Variants in NARF observed in about 807,000 individuals in gnomAD.
NARF encodes nuclear prelamin A recognition factor.
Under a neutral mutation model 48.0 loss-of-function variants are expected in NARF, and 41 were observed. The ratio of observed to expected loss-of-function variants is 0.85; its 90% CI spans 0.66 to 1.11. The LOEUF (loss-of-function observed/expected upper bound fraction) is 1.11, where lower values mean the gene tolerates loss of function less well. NARF is among the 50% of genes least tolerant of loss of function. The pLI is 0.00. For synonymous variants in NARF, 215 were observed against 225.5 expected (o/e 0.95, Z 0.42); for missense variants, 613 against 590.2 (o/e 1.04, Z -0.40).
chr17:82,474,581 G>T (rs1022807526), intron 5 of NARF, among the ~76,000 whole-genome samples: 4 of 152,184 alleles, frequency 2.6e-5, no homozygotes, highest in Admixed American at 6.6e-5. Flanking sequence ...ATAATTTTTA[G>T]GGTTTGGTTC....
intron 3 of NARF, among the ~76,000 whole-genome samples, chr17:82,468,130 C>G (rs928257148): frequency 6.6e-6 from 1 of 151,836 alleles, no homozygotes; most frequent in Non-Finnish European, 1.5e-5. Flanking sequence ...CCCAATATGG[C>G]AAAACCCCGT....
chr17:82,474,723 C>T (rs755431199), intron 5 of NARF, among the ~76,000 whole-genome samples: 2 of 152,160 alleles, frequency 1.3e-5, no homozygotes, highest in Non-Finnish European at 2.9e-5. Context: ...GCTTAGAATA[C>T]GGACTTACTC....
chr17:82,473,315 G>A (rs550587319), intron 5 of NARF, among the ~76,000 whole-genome samples: 135 of 141,136 alleles, frequency 9.6e-4, no homozygotes, highest in Non-Finnish European at 1.7e-3. Flanking sequence ...TTTTTTTGGA[G>A]ACGGAATCTC....
intron 7 of NARF, among the ~76,000 whole-genome samples, chr17:82,481,462 G>GCCCA: frequency 6.6e-6 from 1 of 152,282 alleles, no homozygotes; most frequent in South Asian, 2.1e-4. Context: ...TGGGCACAGT[G>GCCCA]GCTCACGCCT....
intron 8 of NARF, 124 bp from the exon 9 acceptor site, chr17:82,484,689 G>T (rs73999955): frequency 8.0e-7 from 1 of 1,255,744 alleles, no homozygotes; most frequent in South Asian, 1.5e-5. Flanking sequence ...TTAAACATCT[G>T]TACAGGATTT....
chr17:82,460,915 A>ATTTTTTTTTTTT (rs137987200), intron 2 of NARF: 1 of 149,626 alleles, frequency 6.7e-6, no homozygotes, highest in African/African-American at 2.5e-5. Flanking sequence ...TCTTCTTTTA[A>ATTTTTTTTTTTT]TTTTTTTTTT....
chr17:82,465,569 A>G (rs1246570649), intron 3 of NARF, among the ~76,000 whole-genome samples: 1 of 152,098 alleles, frequency 6.6e-6, no homozygotes, highest in African/African-American at 2.4e-5. Flanking sequence ...TCCAGCAGCA[A>G]TTAGATCACA....
At chr17:82,470,962 G>A (rs1358123657) in intron 4 of NARF, among the ~76,000 whole-genome samples, 1 of 150,800 alleles carries the variant, frequency 6.6e-6, no homozygotes, top group Non-Finnish European at 1.5e-5. Context: ...AGGAGTTTGA[G>A]ACCAGCCTGG....
At position 82,487,961 on chromosome 17, in the gene NARF, C is replaced by T. The variant is rs779170650; in HGVS notation, c.1175C>T (p.Ala392Val). 27 of 1,614,098 alleles carry T rather than the reference C, an allele frequency of 1.7e-5. No homozygotes were observed. Among genetic ancestry groups the T allele is most frequent in the Admixed American group, 1.3e-4 (8 of 60,004 alleles). The change falls in exon 11 of 11, where the codon GCG becomes GTG. Residue 392 changes from alanine (A) to valine (V), a missense_variant. Physicochemically the swap from Ala to Val is moderately conservative, Grantham distance 64. Coordinates refer to ENST00000309794, the MANE Select transcript of NARF (RefSeq NM_012336.4). ...CAAGCCCAGACTCCAGACGGACATGCGGATAAGGCCCTGCTGCGGCAGATG... is the reference window on the plus strand; with the variant it reads ...CAAGCCCAGACTCCAGACGGACATGTGGATAAGGCCCTGCTGCGGCAGATG... ...RGQAQTPDGH[A>V]DKALLRQMEG...
intron 7 of NARF, chr17:82,482,277 A>G: frequency 2.3e-6 from 1 of 428,736 alleles, no homozygotes; most frequent in Non-Finnish European, 4.6e-6. Context: ...CGCCTCTGGA[A>G]AGGTCCCCAC....
intron 5 of NARF, 134 bp from the exon 6 acceptor site, chr17:82,478,666 T>G (rs1244035846): frequency 4.3e-6 from 4 of 927,512 alleles, no homozygotes; most frequent in Non-Finnish European, 6.9e-6. Context: ...CACGAGCTCC[T>G]GGTAAGGCCT....
intron 3 of NARF, among the ~76,000 whole-genome samples, chr17:82,467,962 T>C (rs2043609530): frequency 6.6e-6 from 1 of 152,260 alleles, no homozygotes; most frequent in African/African-American, 2.4e-5. Flanking sequence ...TTTACTGATA[T>C]AACATTGTTC....
upstream of NARF, chr17:82,458,699 T>A: frequency 7.2e-7 from 1 of 1,379,702 alleles, no homozygotes; most frequent in South Asian, 1.6e-5. Flanking sequence ...TGAGGCCGCG[T>A]CGGGGGAGGA....
At position 82,489,147 on chromosome 17, in the gene NARF, C is replaced by T. The variant is rs2044156476; in HGVS notation, c.*990C>T. On this transcript the variant is annotated 3_prime_UTR_variant, in exon 11 of 11. Transcript: ENST00000309794. The stretch of plus-strand genomic sequence containing the variant: ...ATTCCTCACAGCCAGTCACCACCCT[C>T]CTCCCATTCCTCACAGCCAGTCACC... The T allele has an allele frequency of 6.4e-6, 1 of 155,732 alleles. No individual in the cohort carries two copies. The highest frequency in any genetic ancestry group is 1.4e-5 in the Non-Finnish European group (1 of 69,920). The allele number at this position is 155,732 out of a possible 1,614,324, so 9.6% of individuals were successfully genotyped here.
intron 3 of NARF, among the ~76,000 whole-genome samples, chr17:82,466,513 C>T (rs1371031400): frequency 6.6e-6 from 1 of 152,004 alleles, no homozygotes; most frequent in Non-Finnish European, 1.5e-5. Context: ...GGTGCAGTGT[C>T]GTGATCTCAG....
At chr17:82,479,596 T>C (rs552472217) in intron 6 of NARF, among the ~76,000 whole-genome samples, 4 of 152,314 alleles carry the variant, frequency 2.6e-5, no homozygotes, top group Non-Finnish European at 4.4e-5. Context: ...CTCCAGCCGC[T>C]GGCATGCCCC....
intron 4 of NARF, among the ~76,000 whole-genome samples, chr17:82,469,434 G>C (rs1490845118): frequency 6.6e-6 from 1 of 152,192 alleles, no homozygotes; most frequent in African/African-American, 2.4e-5. Flanking sequence ...GTTGATGGAT[G>C]ATGCTTCTGC....
chr17:82,489,840 T>G lies in NARF; in HGVS notation c.*1683T>G, dbSNP rs2044167589. ...CTCTGTCTCTACAAATTTTTTTTTT[T>G]TTTTTGAGACAGAGTCTCACTTTGT... On this transcript the variant is annotated 3_prime_UTR_variant, in exon 11 of 11. Transcript: ENST00000309794. The G allele has an allele frequency of 6.6e-6, 1 of 152,092 alleles. No individual in the cohort carries two copies. The highest frequency in any genetic ancestry group is 6.6e-5 in the Admixed American group (1 of 15,262). The allele number at this position is 152,092 out of a possible 1,614,324, so 9.4% of individuals were successfully genotyped here. A position where few individuals can be genotyped will look rare whatever the true frequency, so the allele number is the denominator to read the frequency against.
At chr17:82,466,668 G>A (rs750966104) in intron 3 of NARF, among the ~76,000 whole-genome samples, 8 of 152,084 alleles carry the variant, frequency 5.3e-5, no homozygotes, top group Non-Finnish European at 8.8e-5. Flanking sequence ...GGCCAGGCTG[G>A]TCTCGAACTC....
Sources: allele counts gnomAD v4.1 joint callset (sites outside exome capture counted in the v4.1 genomes callset), GRCh38; gene constraint gnomAD v4.1.1; transcripts MANE v1.5; gene names NCBI Gene and HGNC (gene_info 2026-07-23, HGNC 2026-07-21).